Variants in MCEE observed in about 807,000 individuals in gnomAD.
MCEE encodes the protein methylmalonyl-CoA epimerase, mitochondrial.
Under a neutral mutation model 12.9 loss-of-function variants are expected in MCEE, and 6 were observed. That is an observed-to-expected ratio of 0.47 (90% CI 0.26 to 0.92). The LOEUF is 0.92. MCEE is among the 40% of genes least tolerant of loss of function. The pLI is 0.16. For synonymous variants in MCEE, 78 were observed against 77.9 expected (o/e 1.00, Z -0.01); for missense variants, 214 against 212.1 (o/e 1.01, Z -0.05).
chr2:71,124,246 T>C lies in MCEE; in HGVS notation c.338A>G (p.Gln113Arg). The change falls in exon 2 of 3, where the codon CAG (glutamine) becomes CGG (arginine). Residue 113 changes from glutamine (Q) to arginine (R), a missense_variant. Physicochemically the swap from Gln to Arg is conservative, Grantham distance 43. Transcript: ENST00000244217. Reference protein sequence around the residue: ...GRDSPIAGFLQKNKAGGMHHI... With the variant: ...GRDSPIAGFLRKNKAGGMHHI... The stretch of plus-strand genomic sequence containing the variant: ...ATGCATTCCTCCAGCCTTGTTTTTC[T>C]GCAGAAAACCTGCAATTGGACTGTC... 6.2e-7 allele frequency: 1 copy of C among 1,614,216 alleles called. No homozygotes were observed.
chr2:71,121,558 C>T (rs1433370008), intron 2 of MCEE, among the ~76,000 whole-genome samples: 1 of 152,148 alleles, frequency 6.6e-6, no homozygotes, highest in African/African-American at 2.4e-5. Context: ...TTGCATGTCC[C>T]CCTTATAATC....
At position 71,113,427 on chromosome 2, in the gene MCEE, A is replaced by T. The variant is rs185801537; in HGVS notation, c.379-3305T>A. On this transcript the variant is annotated intron_variant, in intron 2 of 2. Transcript: ENST00000244217. ...TCTAATACCATTCTCCAGTAGTAGG[A>T]ACCAGGGCTCCTAGATGAAATGTCT... Among the ~76,000 whole-genome samples, 15 of 152,314 alleles carry T rather than the reference A, an allele frequency of 9.8e-5. No homozygotes were observed. The East Asian group carries it at 2.3e-3, about 23-fold the overall frequency.
At chr2:71,125,211 A>ATATATATATATATATATATTTTTTTT in intron 1 of MCEE, among the ~76,000 whole-genome samples, 31 of 48,578 alleles carry the variant, frequency 6.4e-4, no homozygotes, top group Admixed American at 1.3e-3. Flanking sequence ...ATATATATAT[A>ATATATATATATATATATATTTTTTTT]TTTTTTTTTT....
intron 2 of MCEE, among the ~76,000 whole-genome samples, chr2:71,120,870 TGGAATTACA>T (rs955774152): frequency 9.2e-5 from 14 of 152,096 alleles, no homozygotes; most frequent in African/African-American, 3.1e-4. Flanking sequence ...CCCAAGTAGC[TGGAATTACA>T]GGTGTGCGCC....
rs1672851308 is a variant in MCEE, at chr2:71,109,918, G to A, written c.*52C>T. On this transcript the variant is annotated 3_prime_UTR_variant, in exon 3 of 3. Transcript: ENST00000244217. ...CTCAATGTCATAGTACATTTTGATA[G>A]TATTTGATAGGCTTTTTCAGGTCAA... 6.3e-7 allele frequency: 1 copy of A among 1,584,960 alleles called. No homozygotes were observed. Among genetic ancestry groups the A allele is most frequent in the South Asian group, 1.1e-5 (1 of 90,404 alleles).
At position 71,130,171 on chromosome 2, in the gene MCEE, G is replaced by T; in HGVS notation, c.40+9C>A. 6.2e-7 allele frequency: 1 copy of T among 1,608,350 alleles called. No individual in the cohort carries two copies. Among genetic ancestry groups the T allele is most frequent in the South Asian group, 1.1e-5 (1 of 89,816 alleles). ...CCCATGGCGAAGGTCGCCGGTGCCC[G>T]GTATTCACCTACGGCATTCGCGGCT... is the stretch of plus-strand genomic sequence containing the variant. On this transcript the variant is annotated intron_variant, in intron 1 of 2. Transcript: ENST00000244217.
chr2:71,130,195 C>G lies in MCEE; in HGVS notation c.25G>C (p.Ala9Pro). Reference protein sequence around the residue: MARVLKAAAANAVGLFSRL... With the variant: MARVLKAAPANAVGLFSRL... The stretch of plus-strand genomic sequence containing the variant: ...CGGTATTCACCTACGGCATTCGCGG[C>G]TGCAGCCTTCAGCACCCGCGCCATT... The change falls in exon 1 of 3, where the codon GCC (alanine) becomes CCC (proline). Residue 9 changes from alanine (A) to proline (P), a missense_variant. Ala to Pro is a conservative substitution (Grantham distance 27). Transcript: ENST00000244217. 1 of 1,608,460 alleles carries G rather than the reference C, an allele frequency of 6.2e-7. No homozygotes were observed. Among genetic ancestry groups the G allele is most frequent in the Admixed American group, 1.7e-5 (1 of 59,582 alleles).
At chr2:71,123,718 CAGA>C (rs1484278874) in intron 2 of MCEE, among the ~76,000 whole-genome samples, 1 of 152,070 alleles carries the variant, frequency 6.6e-6, no homozygotes, top group East Asian at 1.9e-4. Context: ...AGGTGCAATT[CAGA>C]AGATCTTAAA....
chr2:71,115,203 A>C (rs1320561184), intron 2 of MCEE, among the ~76,000 whole-genome samples: 2 of 152,142 alleles, frequency 1.3e-5, no homozygotes, highest in South Asian at 4.1e-4. Context: ...CCAGCCTGGG[A>C]AACATAGTGA....
rs570113905 is a variant in MCEE at position 71,126,199 on chromosome 2, G to A, written c.41-1656C>T. On this transcript the variant is annotated intron_variant, in intron 1 of 2. Transcript: ENST00000244217. ...AATGTGATAGTTGCACTAACCCAGT[G>A]AATGTAATAATTACTGTTAAACTGT... Among the ~76,000 whole-genome samples the A allele has an allele frequency of 5.3e-5, 8 of 152,236 alleles. No homozygotes were observed. In the South Asian group the frequency reaches 1.2e-3, roughly 24 times the overall value.
At position 71,128,711 on chromosome 2, in the gene MCEE, G is replaced by T. The variant is rs35759433; in HGVS notation, c.40+1469C>A. ...CGCCCGGCTAATTTTTGTATTTTTAGTAGAGACGGGCTCACGCCTGTAATC... is the reference window on the plus strand; with the variant it reads ...CGCCCGGCTAATTTTTGTATTTTTATTAGAGACGGGCTCACGCCTGTAATC... On this transcript the variant is annotated intron_variant, in intron 1 of 2. Transcript: ENST00000244217. 2.6e-5 allele frequency among the ~76,000 whole-genome samples: 4 copies of T among 151,896 alleles called. No individual in the cohort carries two copies. In the South Asian group the frequency reaches 6.2e-4, roughly 24 times the overall value.
chr2:71,120,668 G>A (rs1342683548), intron 2 of MCEE, among the ~76,000 whole-genome samples: 2 of 149,942 alleles, frequency 1.3e-5, no homozygotes, highest in Non-Finnish European at 2.9e-5. Flanking sequence ...ATAAGATCCT[G>A]GTGAAAAAGG....
intron 2 of MCEE, chr2:71,118,446 A>C (rs1218064657): frequency 6.6e-6 from 1 of 150,376 alleles, no homozygotes; most frequent in East Asian, 1.9e-4. Flanking sequence ...GCTGTGTCTC[A>C]GTCCATTCGG....
At chr2:71,122,166 T>C (rs1673112317) in intron 2 of MCEE, among the ~76,000 whole-genome samples, 1 of 152,172 alleles carries the variant, frequency 6.6e-6, no homozygotes, top group South Asian at 2.1e-4. Flanking sequence ...CGCTCTTTCA[T>C]TCAGGCTAGA....
At chr2:71,125,581 G>A (rs773817142) in intron 1 of MCEE, among the ~76,000 whole-genome samples, 3 of 151,950 alleles carry the variant, frequency 2.0e-5, no homozygotes, top group Admixed American at 6.6e-5. Flanking sequence ...GACCTCAGGT[G>A]ATCCACCCAC....
Position 71,126,025 on chromosome 2 carries a change from G to A in MCEE, c.41-1482C>T, listed in dbSNP as rs986270402. ...CACCATGCCTGGCTAATTTTTGTACGTTTTGTAGAGATGGGGTTTCACCAT... is the reference window on the plus strand; with the variant it reads ...CACCATGCCTGGCTAATTTTTGTACATTTTGTAGAGATGGGGTTTCACCAT... On this transcript the variant is annotated intron_variant, in intron 1 of 2. Coordinates refer to ENST00000244217, the MANE Select transcript of MCEE (RefSeq NM_032601.4). 4.0e-5 allele frequency among the ~76,000 whole-genome samples: 6 copies of A among 151,400 alleles called. No individual in the cohort carries two copies. In the East Asian group the frequency reaches 6.0e-4, roughly 15 times the overall value.
At chr2:71,113,786 T>C (rs182384545) in intron 2 of MCEE, among the ~76,000 whole-genome samples, 2 of 152,100 alleles carry the variant, frequency 1.3e-5, no homozygotes, top group African/African-American at 4.8e-5. Flanking sequence ...CAAAAGAGGA[T>C]AGTATGGAGG....
chr2:71,119,942 A>G (rs1673065333), intron 2 of MCEE, among the ~76,000 whole-genome samples: 2 of 149,286 alleles, frequency 1.3e-5, no homozygotes, highest in Non-Finnish European at 2.9e-5. Context: ...AGCCGTAGCT[A>G]CTCAGGAGGC....
chr2:71,114,208 G>T (rs750499693), intron 2 of MCEE, among the ~76,000 whole-genome samples: 9 of 152,198 alleles, frequency 5.9e-5, no homozygotes, highest in Non-Finnish European at 1.2e-4. Context: ...GGAAGGGAGA[G>T]CATCAGGATA....
Sources: gnomAD v4.1 joint callset for allele counts (sites outside exome capture counted in the v4.1 genomes callset) on GRCh38, gnomAD v4.1.1 for gene constraint, MANE v1.5 for transcripts, NCBI Gene and HGNC (gene_info 2026-07-23, HGNC 2026-07-21) for gene names.